Variants in BACH2 observed in about 807,000 individuals in gnomAD.
BACH2 encodes the protein BACH transcriptional regulator 2.
Under a neutral mutation model 61.8 loss-of-function variants are expected in BACH2, and 5 were observed. The observed-to-expected ratio is 0.08, with a 90% CI of 0.04 to 0.17. The LOEUF is 0.17. Ranked by LOEUF, BACH2 falls within the 10% of genes least tolerant of loss-of-function variation. BACH2 has a pLI of 1.00. For synonymous variants in BACH2, 446 were observed against 440.1 expected (o/e 1.01, Z -0.17); for missense variants, 824 against 1,091.1 (o/e 0.76, Z 3.45).
Position 89,950,362 on chromosome 6 carries a change from C to T in BACH2, c.1744G>A (p.Glu582Lys), listed in dbSNP as rs1774002292. The T allele has an allele frequency of 2.0e-5, 33 of 1,614,134 alleles. No individual in the cohort carries two copies. The highest frequency in any genetic ancestry group is 2.8e-5 in the Non-Finnish European group (33 of 1,180,026). The change falls in exon 7 of 9, where the codon GAG becomes AAG. Residue 582 changes from glutamate (E) to lysine (K), a missense_variant. Physicochemically the swap from Glu to Lys is moderately conservative, Grantham distance 56 (BLOSUM62 1). Transcript: ENST00000257749. The surrounding 1 kb of genome is among the most constrained non-coding windows in gnomAD (Gnocchi z 5.3). ...YNQVRPQIKC[E>K]QSYGTNSSDE... is the part of the protein sequence containing the mutation. Reference sequence around the variant, plus strand: ...CTGGAGTTGGTTCCATAAGACTGCTCACATTTAATTTGGGGCCGCACTTGG... The same window carrying T: ...CTGGAGTTGGTTCCATAAGACTGCTTACATTTAATTTGGGGCCGCACTTGG...
At chr6:89,988,455 T>C (rs1562348579) in intron 6 of BACH2, among the ~76,000 whole-genome samples, 1 of 152,152 alleles carries the variant, frequency 6.6e-6, no homozygotes, top group African/African-American at 2.4e-5. Context: ...TTATAAATAT[T>C]GTACACACCC....
intron 5 of BACH2, among the ~76,000 whole-genome samples, 158 bp from the exon 6 acceptor site, chr6:90,009,014 G>C (rs932210428): frequency 6.6e-6 from 1 of 152,150 alleles, no homozygotes; most frequent in Non-Finnish European, 1.5e-5. Context: ...GCATATTTGT[G>C]CTTACTCTGT....
chr6:89,934,455 C>T (rs995636861), intron 8 of BACH2, among the ~76,000 whole-genome samples: 1 of 152,004 alleles, frequency 6.6e-6, no homozygotes, highest in South Asian at 2.1e-4. Context: ...GTCAGGAGTT[C>T]GAGACCAGCC....
intron 4 of BACH2, among the ~76,000 whole-genome samples, chr6:90,119,316 T>G (rs1167390631): frequency 6.6e-6 from 1 of 152,228 alleles, no homozygotes; most frequent in East Asian, 1.9e-4. Flanking sequence ...CTAATTATGT[T>G]AGTTTCAATC....
chr6:90,100,728 G>GACACACACACACACACACACAGACAC (rs1554245826), intron 4 of BACH2, among the ~76,000 whole-genome samples: 56 of 142,314 alleles, frequency 3.9e-4, no homozygotes, highest in African/African-American at 1.0e-3. Context: ...CACACACACA[G>GACACACACACACACACACACAGACAC]ACACACACAC....
intron 3 of BACH2, among the ~76,000 whole-genome samples, chr6:90,239,634 A>G (rs893577880): frequency 9.2e-5 from 14 of 152,180 alleles, no homozygotes; most frequent in Non-Finnish European, 1.8e-4. Flanking sequence ...ATAGCCATAC[A>G]TGACTAAGAT....
At chr6:89,960,221 T>A (rs3857493) in intron 6 of BACH2, among the ~76,000 whole-genome samples, 23,059 of 152,186 alleles carry the variant, frequency 0.15, 1,798 homozygotes, top group South Asian at 0.18. Flanking sequence ...TTATAGCCCC[T>A]CTATTTGAAA....
chr6:90,226,433 C>T (rs1480696497), intron 3 of BACH2, among the ~76,000 whole-genome samples: 1 of 152,096 alleles, frequency 6.6e-6, no homozygotes, highest in Non-Finnish European at 1.5e-5. Flanking sequence ...TGTTTGATTT[C>T]CATGGTGTAA....
intron 4 of BACH2, among the ~76,000 whole-genome samples, chr6:90,165,690 G>A (rs1475259640): frequency 1.3e-5 from 2 of 152,070 alleles, no homozygotes; most frequent in Non-Finnish European, 2.9e-5. Context: ...AAACAGCATG[G>A]TACTGGTACC....
chr6:90,295,927 T>G (rs529821849), intron 1 of BACH2, among the ~76,000 whole-genome samples: 13 of 152,222 alleles, frequency 8.5e-5, no homozygotes, highest in East Asian at 7.8e-4. Context: ...GGCTGACAGC[T>G]GAGCGCAAAG....
chr6:90,057,490 G>A lies in BACH2; in HGVS notation c.-13+31471C>T, dbSNP rs560034177. ...ATTGAGGCAATAATCAATAGCTTAC[G>A]AACCAAAAAAAGTCCAGGAACCAGG... On this transcript the variant is annotated intron_variant, in intron 5 of 8. Transcript: ENST00000257749. 6.6e-5 allele frequency among the ~76,000 whole-genome samples: 10 copies of A among 152,030 alleles called. No individual in the cohort carries two copies. In the South Asian group the frequency reaches 8.3e-4, roughly 13 times the overall value.
chr6:90,202,353 C>G (rs982316343), intron 4 of BACH2, among the ~76,000 whole-genome samples: 3 of 152,160 alleles, frequency 2.0e-5, no homozygotes, highest in Non-Finnish European at 4.4e-5. Flanking sequence ...TGTAGAGATA[C>G]TGATCTGCGT....
At chr6:90,105,513 C>T (rs894480733) in intron 4 of BACH2, among the ~76,000 whole-genome samples, 7 of 152,134 alleles carry the variant, frequency 4.6e-5, no homozygotes, top group South Asian at 2.1e-4. Flanking sequence ...TAGTTATACA[C>T]GGCAAGTAAG....
chr6:90,183,573 T>A (rs1768241091), intron 4 of BACH2, among the ~76,000 whole-genome samples: 1 of 152,260 alleles, frequency 6.6e-6, no homozygotes, highest in African/African-American at 2.4e-5. Context: ...TTGTTCCTAC[T>A]GCCACCAGTG....
At chr6:90,144,819 A>C (rs1784565060) in intron 4 of BACH2, among the ~76,000 whole-genome samples, 1 of 152,236 alleles carries the variant, frequency 6.6e-6, no homozygotes. Context: ...AAAGAAACAG[A>C]AACATGCTTA....
intron 4 of BACH2, among the ~76,000 whole-genome samples, chr6:90,166,703 C>T (rs1037848583): frequency 3.9e-5 from 6 of 152,148 alleles, no homozygotes; most frequent in South Asian, 2.1e-4. Context: ...GGCACATATA[C>T]ACCATGGAAT....
At chr6:90,013,658 C>T (rs1777852561) in intron 5 of BACH2, among the ~76,000 whole-genome samples, 2 of 152,002 alleles carry the variant, frequency 1.3e-5, no homozygotes, top group Admixed American at 6.5e-5. Flanking sequence ...AGGTGCCCGC[C>T]ACCATGCCAG....
chr6:90,062,524 T>C (rs1780737000), intron 5 of BACH2, among the ~76,000 whole-genome samples: 1 of 152,220 alleles, frequency 6.6e-6, no homozygotes, highest in Non-Finnish European at 1.5e-5. Flanking sequence ...TCTAGGATGC[T>C]GTCACAATGC....
intron 5 of BACH2, among the ~76,000 whole-genome samples, chr6:90,052,955 A>T (rs1780126984): frequency 6.6e-6 from 1 of 151,916 alleles, no homozygotes; most frequent in African/African-American, 2.4e-5. Flanking sequence ...ATTATTTTCT[A>T]TTTGTCCTAC....
Sources: allele counts gnomAD v4.1 joint callset (sites outside exome capture counted in the v4.1 genomes callset), GRCh38; gene constraint gnomAD v4.1.1; non-coding constraint Gnocchi (gnomAD v3.1); transcripts MANE v1.5; gene names NCBI Gene and HGNC (gene_info 2026-07-23, HGNC 2026-07-21).